PCGF6: variants seen among roughly 807,000 people sequenced by gnomAD.
PCGF6 encodes the protein polycomb group RING finger protein 6.
A neutral mutation model predicts 45.5 loss-of-function variants in PCGF6; 24 were observed. That is an observed-to-expected ratio of 0.53 (90% CI 0.38 to 0.74). The LOEUF (loss-of-function observed/expected upper bound fraction) is 0.74. Ranked by LOEUF, PCGF6 falls within the 30% of genes least tolerant of loss-of-function variation. The pLI, the probability that PCGF6 is intolerant of heterozygous loss-of-function variation, is 0.00. For missense variants in PCGF6, 356 were observed against 443.2 expected (o/e 0.80, Z 1.77); for synonymous variants, 152 against 162.1 (o/e 0.94, Z 0.47).
intron 6 of PCGF6, among the ~76,000 whole-genome samples, chr10:103,335,308 C>T (rs2093252603): frequency 6.6e-6 from 1 of 151,776 alleles, no homozygotes; most frequent in African/African-American, 2.4e-5. Flanking sequence ...TCTGCCTTAG[C>T]CTCCCCAAAT....
chr10:103,341,117 T>C (rs2093279010), intron 6 of PCGF6, among the ~76,000 whole-genome samples: 1 of 151,244 alleles, frequency 6.6e-6, no homozygotes, highest in Non-Finnish European at 1.5e-5. Context: ...TAACCCCAAC[T>C]ATTTGGGAGG....
chr10:103,347,326 T>A, intron 4 of PCGF6, 29 bp from the exon 5 acceptor site: 1 of 1,592,594 alleles, frequency 6.3e-7, no homozygotes, highest in Non-Finnish European at 8.6e-7. Flanking sequence ...CAGACTAAAT[T>A]ACACTTAAAA....
intron 8 of PCGF6, among the ~76,000 whole-genome samples, chr10:103,318,324 T>C (rs2093183670): frequency 6.6e-6 from 1 of 150,422 alleles, no homozygotes; most frequent in Non-Finnish European, 1.5e-5. Flanking sequence ...ACACCTGTAA[T>C]CCCAGCTACT....
At chr10:103,319,146 G>T (rs1367618808) in intron 8 of PCGF6, among the ~76,000 whole-genome samples, 2 of 152,046 alleles carry the variant, frequency 1.3e-5, no homozygotes, top group African/African-American at 4.8e-5. Flanking sequence ...TCATTCCTTT[G>T]ATCATACATA....
At chr10:103,309,314 C>T (rs922160201) in intron 9 of PCGF6, among the ~76,000 whole-genome samples, 2 of 152,068 alleles carry the variant, frequency 1.3e-5, no homozygotes, top group Admixed American at 6.6e-5. Flanking sequence ...GTGATTGGAT[C>T]ACGGGGTTGG....
intron 6 of PCGF6, among the ~76,000 whole-genome samples, chr10:103,335,336 G>A (rs1381517195): frequency 1.3e-5 from 2 of 150,540 alleles, no homozygotes; most frequent in African/African-American, 4.9e-5. Flanking sequence ...TTACAGGTGT[G>A]AGCCACCACA....
At chr10:103,307,087 G>T (rs965761138) in intron 9 of PCGF6, among the ~76,000 whole-genome samples, 18 of 150,318 alleles carry the variant, frequency 1.2e-4, no homozygotes, top group African/African-American at 4.4e-4. Context: ...CTGGGTGACA[G>T]AGCCAGACCC....
rs552114511 is a variant in PCGF6, at chr10:103,330,756, C to T, written c.810+3169G>A. Among the ~76,000 whole-genome samples, 138 of 152,230 alleles carry T rather than the reference C, an allele frequency of 9.1e-4. 1 individual carries two copies. Among genetic ancestry groups the T allele is most frequent in the Non-Finnish European group, 1.6e-3 (107 of 68,026 alleles). On this transcript the variant is annotated intron_variant, in intron 7 of 9. Transcript: ENST00000369847. ...CAGCCTGGCTAACACGGTGAAACCC[C>T]GTTTCTACTAAAAATACAAAAAATT...
At chr10:103,345,774 G>A (rs2093296749) in intron 5 of PCGF6, among the ~76,000 whole-genome samples, 1 of 151,828 alleles carries the variant, frequency 6.6e-6, no homozygotes, top group South Asian at 2.1e-4. Flanking sequence ...GTTGCAGTGA[G>A]CCGAGATCAT....
At position 103,333,915 on chromosome 10, in the gene PCGF6, AG is replaced by A. The variant is rs1238025600; in HGVS notation, c.810+9del. ...CTCTTGTGAAATGAATGAAAAAAAA[AG>A]TAAAATACCTTAAAATGTCCCGTGC... On this transcript the variant is annotated intron_variant, in intron 7 of 9. Coordinates refer to ENST00000369847, the MANE Select transcript of PCGF6 (RefSeq NM_001011663.2). 6.4e-7 allele frequency: 1 copy of A among 1,559,370 alleles called. No individual in the cohort carries two copies. The highest frequency in any genetic ancestry group is 1.4e-5 in the African/African-American group (1 of 72,008).
intron 6 of PCGF6, among the ~76,000 whole-genome samples, chr10:103,337,536 T>C (rs2133587560): frequency 6.6e-6 from 1 of 152,328 alleles, no homozygotes; most frequent in Non-Finnish European, 1.5e-5. Context: ...TCAAAACCTA[T>C]ACTCTTTCAA....
At chr10:103,316,013 TAG>T (rs5787488) in intron 8 of PCGF6, among the ~76,000 whole-genome samples, 6,541 of 119,170 alleles carry the variant, frequency 0.055, 185 homozygotes, top group East Asian at 0.13. Context: ...TATATATATA[TAG>T]AGAGAGAGAG....
intron 6 of PCGF6, among the ~76,000 whole-genome samples, chr10:103,342,568 G>A (rs967555558): frequency 1.3e-5 from 2 of 152,018 alleles, no homozygotes; most frequent in Admixed American, 1.3e-4. Context: ...GGAATGGCCT[G>A]TACACATAAA....
At chr10:103,349,145 T>G (rs1392973916) in intron 1 of PCGF6, 146 bp from the exon 2 acceptor site, 4 of 665,372 alleles carry the variant, frequency 6.0e-6, no homozygotes, top group Non-Finnish European at 1.0e-5. Flanking sequence ...CCTCCTGGAT[T>G]AAAGCGATTC....
intron 6 of PCGF6, among the ~76,000 whole-genome samples, chr10:103,342,018 G>A (rs115433926): frequency 0.012 from 1,731 of 147,022 alleles, 27 homozygotes; most frequent in African/African-American, 0.041. Flanking sequence ...TCACTGCAAC[G>A]TCCACCTCCC....
rs968246506 is a variant in PCGF6 at position 103,351,122 on chromosome 10, G to C, written c.-56C>G. The C allele has an allele frequency of 1.5e-6, 2 of 1,331,354 alleles. No homozygotes were observed. Among genetic ancestry groups the C allele is most frequent in the Admixed American group, 3.0e-5 (1 of 32,810 alleles). 82.5% of individuals were successfully genotyped at this position (1,331,354 alleles called of 1,614,324 possible). A position where few individuals can be genotyped will look rare whatever the true frequency, so the allele number is the denominator to read the frequency against. ...GGCGGGAGAGCGCGGGAGTTCGGCC[G>C]GCCTCGGACGCCACCACTGCGCAGG... On this transcript the variant is annotated 5_prime_UTR_variant, in exon 1 of 10. Transcript: ENST00000369847.
At position 103,351,022 on chromosome 10, in the gene PCGF6, G is replaced by A. The variant is rs532344850; in HGVS notation, c.45C>T (p.Ala15=). ...GCAAGGCTGCAGCTCCCTCGGTTTT[G>A]GCAGCGCCTACGCTGCCCGCCGTCA... The part of the protein sequence containing the change: ...AVVTAGSVGA[A]KTEGAAALPP... Residue 15 remains alanine (A), a synonymous_variant, in exon 1 of 10, where the codon GCC becomes GCT. Coordinates refer to ENST00000369847, the MANE Select transcript of PCGF6 (RefSeq NM_001011663.2). 7.8e-6 allele frequency: 11 copies of A among 1,418,230 alleles called. No individual in the cohort carries two copies. In the African/African-American group the frequency reaches 1.3e-4, roughly 17 times the overall value. The allele number at this position is 1,418,230 out of a possible 1,614,324, so 87.9% of individuals were successfully genotyped here. A position where few individuals can be genotyped will look rare whatever the true frequency, so the allele number is the denominator to read the frequency against.
Position 103,302,894 on chromosome 10 carries a change from G to C in PCGF6, c.*1011C>G, listed in dbSNP as rs752639754. The C allele has an allele frequency of 6.6e-6, 1 of 152,096 alleles. No homozygotes were observed. Among genetic ancestry groups the C allele is most frequent in the Non-Finnish European group, 1.5e-5 (1 of 68,028 alleles). The allele number at this position is 152,096 out of a possible 1,614,324, so 9.4% of individuals were successfully genotyped here. A position where few individuals can be genotyped will look rare whatever the true frequency, so the allele number is the denominator to read the frequency against. ...CCAATCTTTTTCCAATTTTGTAGTAGTCTCTACACATTCAGAAATTCTGCT... is the reference window on the plus strand; with the variant it reads ...CCAATCTTTTTCCAATTTTGTAGTACTCTCTACACATTCAGAAATTCTGCT... On this transcript the variant is annotated 3_prime_UTR_variant, in exon 10 of 10. Transcript: ENST00000369847.
chr10:103,317,371 G>A (rs892779800), intron 8 of PCGF6, among the ~76,000 whole-genome samples: 2 of 152,096 alleles, frequency 1.3e-5, no homozygotes, highest in Non-Finnish European at 1.5e-5. Flanking sequence ...TTTATACCAC[G>A]TGGTATACAT....
Sources: allele counts gnomAD v4.1 joint callset (sites outside exome capture counted in the v4.1 genomes callset), GRCh38; gene constraint gnomAD v4.1.1; transcripts MANE v1.5; gene names NCBI Gene and HGNC (gene_info 2026-07-23, HGNC 2026-07-21).